Variants in DGKZ observed in about 807,000 individuals in gnomAD.
DGKZ encodes diacylglycerol kinase zeta, also known as DAG kinase zeta.
DGKZ carries 45 observed loss-of-function variants against 142.5 expected under a neutral mutation model. That is an observed-to-expected ratio of 0.32 (90% CI 0.25 to 0.40). The LOEUF is 0.40. Among genes scored for constraint, DGKZ ranks in the 10% least tolerant of loss-of-function variants. The pLI is 1.00. For synonymous variants in DGKZ, 442 were observed against 527.0 expected, an observed-to-expected ratio of 0.84 and a Z score of 2.21; for missense variants, 755 against 1,306.5, an observed-to-expected ratio of 0.58 and a Z score of 6.51.
At chr11:46,364,237 T>C (rs1248823622) in intron 1 of DGKZ, 2 of 667,714 alleles carry the variant, frequency 3.0e-6, no homozygotes, top group Admixed American at 2.3e-5. Flanking sequence ...CCGTGGACTC[T>C]AGGCGGTCAC....
chr11:46,341,662 C>T (rs1219998263), intron 1 of DGKZ, among the ~76,000 whole-genome samples: 2 of 152,118 alleles, frequency 1.3e-5, no homozygotes, highest in African/African-American at 4.8e-5. Flanking sequence ...TCCATGTCTG[C>T]GGCTCTTTCT....
At chr11:46,345,276 C>T (rs1940500522), upstream of DGKZ, 9 of 1,359,650 alleles carry the variant, frequency 6.6e-6, no homozygotes, top group Non-Finnish European at 8.4e-6. The surrounding 1 kb of genome is among the most constrained non-coding windows in gnomAD (Gnocchi z 4.1). Flanking sequence ...CAGCTGGCCC[C>T]AGCCAGCGGA....
upstream of DGKZ, among the ~76,000 whole-genome samples, chr11:46,345,854 C>T (rs554159200): frequency 3.6e-4 from 55 of 152,252 alleles, no homozygotes; most frequent in African/African-American, 1.3e-3. This position sits in a 1 kb window ranked among gnomAD's most constrained non-coding sequence, Gnocchi z 4.1. Flanking sequence ...GAGTGTGGCA[C>T]TGGATGCTGG....
At position 46,374,702 on chromosome 11, in the gene DGKZ, G is replaced by A. The variant is rs757997806; in HGVS notation, c.1524+36G>A. ...CCAGGCTGCCGTGGGTGGGTGGGCCGGAAGGGAGGGAGGCGGAGGCCACCT... is the reference window on the plus strand; with the variant it reads ...CCAGGCTGCCGTGGGTGGGTGGGCCAGAAGGGAGGGAGGCGGAGGCCACCT... On this transcript the variant is annotated intron_variant, in intron 17 of 30. Coordinates refer to ENST00000527911, the Ensembl canonical transcript of DGKZ. 3.5e-5 allele frequency: 56 copies of A among 1,608,998 alleles called. No homozygotes were observed. The Middle Eastern group carries it at 5.0e-4, about 14-fold the overall frequency.
rs1286520057 is a variant in DGKZ at position 46,366,980 on chromosome 11, C to T, written c.162-311C>T. On this transcript the variant is annotated intron_variant, in intron 1 of 30. Transcript: ENST00000527911. ...CGGACCCCAGGCCTGGAGCGCCCTG[C>T]TCGCGTAGGTATAGCTGTGGCCAGC... 1.3e-6 allele frequency: 2 copies of T among 1,527,478 alleles called. No homozygotes were observed. The highest frequency in any genetic ancestry group is 1.7e-6 in the Non-Finnish European group (2 of 1,144,708). 94.6% of individuals were successfully genotyped at this position (1,527,478 alleles called of 1,614,324 possible).
chr11:46,361,660 G>A (rs924690554), intron 1 of DGKZ: 10 of 985,450 alleles, frequency 1.0e-5, no homozygotes, highest in African/African-American at 5.2e-5. Context: ...TCCAGAGCCC[G>A]GCCTTGGGGA....
intron 4 of DGKZ, chr11:46,368,344 TGGC>T (rs1349779182): frequency 1.9e-6 from 1 of 514,120 alleles, no homozygotes; most frequent in African/African-American, 1.9e-5. Flanking sequence ...TGACGAATGG[TGGC>T]CCTTGTACCA....
At chr11:46,364,580 C>T (rs1943049787) in intron 1 of DGKZ, 1 of 985,418 alleles carries the variant, frequency 1.0e-6, no homozygotes, top group Non-Finnish European at 1.2e-6. Context: ...CTGAGCTGTG[C>T]AGAACTCTGC....
exon 23 of DGKZ, chr11:46,376,329 A>G (rs149254809): frequency 6.2e-7 from 1 of 1,613,802 alleles, no homozygotes; most frequent in Admixed American, 1.7e-5. Context: ...TCTCAACAGG[A>G]GCCCGATGGT....
At chr11:46,371,672 C>T (rs1943965381) in intron 8 of DGKZ, 32 bp from the exon 9 acceptor site, 11 of 1,613,822 alleles carry the variant, frequency 6.8e-6, no homozygotes, top group African/African-American at 1.3e-5. Flanking sequence ...AGCCTGCCCA[C>T]CTCGTCACCA....
chr11:46,349,016 C>T (rs1323510271), intron 1 of DGKZ, among the ~76,000 whole-genome samples: 1 of 152,226 alleles, frequency 6.6e-6, no homozygotes, highest in Non-Finnish European at 1.5e-5. Flanking sequence ...CTTTACCCAC[C>T]AATAACATGG....
At chr11:46,363,648 G>A (rs940502194) in intron 1 of DGKZ, among the ~76,000 whole-genome samples, 4 of 152,212 alleles carry the variant, frequency 2.6e-5, no homozygotes, top group African/African-American at 4.8e-5. Flanking sequence ...CGCTGCCCAC[G>A]GGTGCAGCGG....
exon 22 of DGKZ, chr11:46,376,088 G>A (rs760364837): frequency 6.2e-7 from 1 of 1,611,850 alleles, no homozygotes; most frequent in Non-Finnish European, 8.5e-7. Context: ...GCACTGTGGT[G>A]GTCCCAGGAG....
At chr11:46,333,385 A>G (rs1316328065) in exon 1 of DGKZ, 4 of 1,426,912 alleles carry the variant, frequency 2.8e-6, no homozygotes, top group Non-Finnish European at 3.6e-6. Flanking sequence ...GAGGAGGCCC[A>G]GGTCGCGCAG....
exon 1 of DGKZ, chr11:46,333,289 A>G (rs1329630746): frequency 2.4e-6 from 3 of 1,263,458 alleles, no homozygotes; most frequent in Non-Finnish European, 3.0e-6. Flanking sequence ...GCCGAGGGGC[A>G]GGGCGGCGGA....
intron 19 of DGKZ, 113 bp downstream of exon 19, chr11:46,375,158 T>G: frequency 1.9e-6 from 2 of 1,051,124 alleles, no homozygotes; most frequent in Admixed American, 2.8e-5. Flanking sequence ...CCTCCCTTCT[T>G]TGTCTCATTC....
intron 6 of DGKZ, among the ~76,000 whole-genome samples, chr11:46,370,876 G>A (rs1490250951): frequency 6.6e-6 from 1 of 152,180 alleles, no homozygotes; most frequent in Non-Finnish European, 1.5e-5. Context: ...CTGAGGTCAG[G>A]AATTCGAGAC....
chr11:46,363,723 G>A (rs151087203), intron 1 of DGKZ, among the ~76,000 whole-genome samples: 4 of 152,330 alleles, frequency 2.6e-5, no homozygotes, highest in East Asian at 3.9e-4. Flanking sequence ...CGGTGTGTCC[G>A]GGTGACTAAT....
intron 1 of DGKZ, among the ~76,000 whole-genome samples, chr11:46,360,631 C>A (rs1477906010): frequency 6.6e-6 from 1 of 151,912 alleles, no homozygotes; most frequent in South Asian, 2.1e-4. Context: ...ACTAAAAATA[C>A]AAAAATTAGC....
Sources: gnomAD v4.1 joint callset for allele counts (sites outside exome capture counted in the v4.1 genomes callset) on GRCh38, gnomAD v4.1.1 for gene constraint, Gnocchi (gnomAD v3.1) non-coding constraint, MANE v1.5 for transcripts, NCBI Gene and HGNC (gene_info 2026-07-23, HGNC 2026-07-21) for gene names.